Variants in SH3RF3 observed in about 807,000 individuals in gnomAD.
SH3RF3 encodes the protein E3 ubiquitin-protein ligase SH3RF3.
SH3RF3 carries 29 observed loss-of-function variants against 66.3 expected under a neutral mutation model. That is an observed-to-expected ratio of 0.44 (90% CI 0.33 to 0.60). The LOEUF (loss-of-function observed/expected upper bound fraction) is 0.60. Among genes scored for constraint, SH3RF3 ranks in the 20% least tolerant of loss-of-function variants. The probability of loss-of-function intolerance (pLI) is 0.04; values close to 1 mark genes in which losing one functional copy is unlikely to be tolerated. For missense variants in SH3RF3, 1,194 were observed against 1,190.9 expected (o/e 1.00, Z -0.04); for synonymous variants, 583 against 532.0 (o/e 1.10, Z -1.32).
chr2:109,201,175 T>TGGCTG (rs1678664773), intron 1 of SH3RF3, among the ~76,000 whole-genome samples: 1 of 152,256 alleles, frequency 6.6e-6, no homozygotes, highest in South Asian at 2.1e-4. Flanking sequence ...GGCCTCTGCA[T>TGGCTG]GGCTGCAAGA....
At chr2:109,400,320 A>G (rs969555213) in intron 4 of SH3RF3, among the ~76,000 whole-genome samples, 1 of 152,126 alleles carries the variant, frequency 6.6e-6, no homozygotes, top group African/African-American at 2.4e-5. Flanking sequence ...TGGCACACAC[A>G]TATACCTGCA....
intron 8 of SH3RF3, among the ~76,000 whole-genome samples, chr2:109,457,550 T>C (rs1036217355): frequency 6.6e-6 from 1 of 152,226 alleles, no homozygotes; most frequent in Non-Finnish European, 1.5e-5. Flanking sequence ...TCCTACACTC[T>C]AGTGCCACAC....
Position 109,130,732 on chromosome 2 carries a change from A to G in SH3RF3, c.573+619A>G, listed in dbSNP as rs1003895217. 3.3e-5 allele frequency among the ~76,000 whole-genome samples: 5 copies of G among 152,222 alleles called. 1 individual carries two copies. The South Asian group carries it at 6.2e-4, about 19-fold the overall frequency. ...AGCCAAGGTCTTCTCCTGGGCTCCCAGGCAGGGTTGCATTCCCACGGGGGT... is the reference window on the plus strand; with the variant it reads ...AGCCAAGGTCTTCTCCTGGGCTCCCGGGCAGGGTTGCATTCCCACGGGGGT... On this transcript the variant is annotated intron_variant, in intron 1 of 9. Transcript: ENST00000309415.
At chr2:109,324,940 G>A (rs1682114497) in intron 1 of SH3RF3, among the ~76,000 whole-genome samples, 2 of 152,172 alleles carry the variant, frequency 1.3e-5, no homozygotes, top group South Asian at 4.1e-4. Context: ...TTCCTATACA[G>A]TAATGACTAG....
chr2:109,174,043 G>A (rs868154964), intron 1 of SH3RF3, among the ~76,000 whole-genome samples: 2 of 152,236 alleles, frequency 1.3e-5, no homozygotes, highest in East Asian at 1.9e-4. Context: ...ACAGCAGTGC[G>A]GTTTGGTGGC....
At chr2:109,247,176 A>G (rs893437385) in intron 1 of SH3RF3, among the ~76,000 whole-genome samples, 1 of 152,196 alleles carries the variant, frequency 6.6e-6, no homozygotes, top group African/African-American at 2.4e-5. Flanking sequence ...GCAGAGGACA[A>G]GGAAGCTATG....
intron 1 of SH3RF3, among the ~76,000 whole-genome samples, chr2:109,307,644 A>C (rs1203858997): frequency 1.4e-5 from 2 of 138,304 alleles, no homozygotes; most frequent in East Asian, 4.2e-4. Flanking sequence ...TCATTGTTCA[A>C]TTCCCACCTA....
chr2:109,149,146 A>G (rs1188066268), intron 1 of SH3RF3, among the ~76,000 whole-genome samples: 1 of 152,128 alleles, frequency 6.6e-6, no homozygotes, highest in Non-Finnish European at 1.5e-5. Context: ...AGACTGGCCT[A>G]GGAGCTCACA....
intron 8 of SH3RF3, among the ~76,000 whole-genome samples, chr2:109,480,635 A>G (rs1308461534): frequency 6.6e-6 from 1 of 152,044 alleles, no homozygotes; most frequent in Non-Finnish European, 1.5e-5. Context: ...TGGGAGGAGG[A>G]GGAGGAGGAT....
chr2:109,227,449 A>G (rs1679398327), intron 1 of SH3RF3, among the ~76,000 whole-genome samples: 1 of 152,142 alleles, frequency 6.6e-6, no homozygotes, highest in Non-Finnish European at 1.5e-5. Flanking sequence ...GTAAAAACCA[A>G]ATGCGACTGG....
intron 7 of SH3RF3, among the ~76,000 whole-genome samples, chr2:109,441,704 A>C (rs568085572): frequency 2.0e-5 from 3 of 152,352 alleles, no homozygotes; most frequent in African/African-American, 7.2e-5. Context: ...CAGTTGGTGA[A>C]CACCAAGCAC....
intron 5 of SH3RF3, among the ~76,000 whole-genome samples, chr2:109,431,947 C>T (rs1677230471): frequency 6.6e-6 from 1 of 152,152 alleles, no homozygotes; most frequent in African/African-American, 2.4e-5. Flanking sequence ...TCTAACTTAA[C>T]CACCTTTCCC....
intron 1 of SH3RF3, among the ~76,000 whole-genome samples, chr2:109,247,152 T>A (rs1385715429): frequency 1.3e-5 from 2 of 152,138 alleles, no homozygotes; most frequent in African/African-American, 4.8e-5. Context: ...ACATGAAACA[T>A]GGAGTTTGGG....
intron 1 of SH3RF3, among the ~76,000 whole-genome samples, chr2:109,224,668 G>A (rs1679331048): frequency 6.6e-6 from 1 of 152,188 alleles, no homozygotes; most frequent in South Asian, 2.1e-4. Flanking sequence ...GACCAACCTA[G>A]CTAACATGGT....
intron 1 of SH3RF3, among the ~76,000 whole-genome samples, chr2:109,284,826 G>T (rs1026912874): frequency 6.6e-6 from 1 of 152,202 alleles, no homozygotes; most frequent in Non-Finnish European, 1.5e-5. Context: ...TGTGTGTGGG[G>T]TGTGTGTGTT....
At chr2:109,491,004 C>T (rs1257312060) in intron 9 of SH3RF3, 68 bp downstream of exon 9, 180 of 1,356,264 alleles carry the variant, frequency 1.3e-4, no homozygotes, top group East Asian at 1.6e-4. Context: ...GAGCCACCTT[C>T]GGGGAGCAGG....
At chr2:109,492,611 G>A (rs1277274877) in intron 9 of SH3RF3, among the ~76,000 whole-genome samples, 1 of 152,156 alleles carries the variant, frequency 6.6e-6, no homozygotes, top group South Asian at 2.1e-4. Flanking sequence ...TATGAAATCA[G>A]TTATCCTCGT....
intron 8 of SH3RF3, among the ~76,000 whole-genome samples, chr2:109,483,802 G>A (rs1332602919): frequency 6.6e-6 from 1 of 152,084 alleles, no homozygotes; most frequent in South Asian, 2.1e-4. Flanking sequence ...AGGCGCTGGG[G>A]TTGCCTTCCC....
chr2:109,249,601 T>C (rs193223278), intron 1 of SH3RF3, among the ~76,000 whole-genome samples: 12 of 144,710 alleles, frequency 8.3e-5, no homozygotes, highest in East Asian at 6.1e-4. Flanking sequence ...TTCTTTCTTT[T>C]TCTTTCTTTC....
Sources: gnomAD v4.1 joint callset for allele counts (sites outside exome capture counted in the v4.1 genomes callset) on GRCh38, gnomAD v4.1.1 for gene constraint, MANE v1.5 for transcripts, NCBI Gene and HGNC (gene_info 2026-07-23, HGNC 2026-07-21) for gene names.